URI1: variants seen among roughly 807,000 people sequenced by gnomAD.
URI1 encodes unconventional prefoldin RPB5 interactor 1.
Under a neutral mutation model 60.2 loss-of-function variants are expected in URI1, and 39 were observed. That is an observed-to-expected ratio of 0.65 (90% confidence interval 0.50 to 0.85). The LOEUF (loss-of-function observed/expected upper bound fraction) is 0.85. Ranked by LOEUF, URI1 falls within the 40% of genes least tolerant of loss-of-function variation. URI1 has a pLI of 0.00. For missense variants in URI1, 691 were observed against 665.9 expected (o/e 1.04, Z -0.42); for synonymous variants, 251 against 236.8 (o/e 1.06, Z -0.55).
intron 2 of URI1, among the ~76,000 whole-genome samples, chr19:29,973,548 A>G (rs2055485348): frequency 6.6e-6 from 1 of 152,118 alleles, no homozygotes; most frequent in Admixed American, 6.6e-5. Context: ...TGTTTGTATA[A>G]TTTTTAAGGG....
chr19:29,996,022 G>T (rs2055807998), intron 4 of URI1, among the ~76,000 whole-genome samples: 2 of 152,060 alleles, frequency 1.3e-5, no homozygotes, highest in Non-Finnish European at 2.9e-5. Context: ...TTTATAGTAA[G>T]TTTTGAAAAC....
upstream of URI1, among the ~76,000 whole-genome samples, chr19:29,940,468 G>A (rs2055012259): frequency 6.6e-6 from 1 of 152,120 alleles, no homozygotes. Context: ...GGCCAACATG[G>A]TGAAACCCTG....
rs947561773 is a variant in URI1 at position 30,009,563 on chromosome 19, A to G, written c.1035+210A>G. ...TATTGGTCCATTGTTCTCTGAAACA[A>G]TGCATTGTTTGGGGTCTGGAAGGGG... is the stretch of plus-strand genomic sequence containing the variant. On this transcript the variant is annotated intron_variant, in intron 8 of 10. Transcript: ENST00000392271. Among the ~76,000 whole-genome samples the G allele has an allele frequency of 2.6e-5, 4 of 152,256 alleles. No homozygotes were observed. The South Asian group carries it at 8.3e-4, about 32-fold the overall frequency.
chr19:29,974,747 C>A (rs557462376), intron 2 of URI1, among the ~76,000 whole-genome samples: 1 of 152,174 alleles, frequency 6.6e-6, no homozygotes, highest in Non-Finnish European at 1.5e-5. Flanking sequence ...CCTTTCTCAC[C>A]GCTCTTGTAT....
intron 4 of URI1, among the ~76,000 whole-genome samples, chr19:30,000,767 A>C (rs1049837259): frequency 6.6e-6 from 1 of 151,888 alleles, no homozygotes; most frequent in Non-Finnish European, 1.5e-5. Context: ...GATCCTTTAA[A>C]ATTTGTTTGC....
rs908959088 is a variant in URI1 at position 30,015,911 on chromosome 19, G to C, written c.*842G>C. Reference sequence around the variant, plus strand: ...ACATTTTAAATAAAAATTCCTTACAGTTTCATCTTCCCAACATTTTCATTC... The same window carrying C: ...ACATTTTAAATAAAAATTCCTTACACTTTCATCTTCCCAACATTTTCATTC... On this transcript the variant is annotated 3_prime_UTR_variant, in exon 11 of 11. Coordinates refer to ENST00000392271, the MANE Select transcript of URI1 (RefSeq NM_003796.3). The C allele has an allele frequency of 4.3e-5, 9 of 210,018 alleles. No homozygotes were observed. Among genetic ancestry groups the C allele is most frequent in the Non-Finnish European group, 2.8e-5 (3 of 107,500 alleles). 13.0% of individuals were successfully genotyped at this position (210,018 alleles called of 1,614,324 possible). A position where few individuals can be genotyped will look rare whatever the true frequency, so the allele number is the denominator to read the frequency against.
intron 2 of URI1, among the ~76,000 whole-genome samples, chr19:29,984,490 C>A (rs1170231207): frequency 6.6e-6 from 1 of 152,094 alleles, no homozygotes; most frequent in African/African-American, 2.4e-5. Context: ...ATATCAGGCC[C>A]TCTTTTACTG....
At chr19:29,971,890 G>C (rs1264730368) in intron 2 of URI1, among the ~76,000 whole-genome samples, 1 of 152,026 alleles carries the variant, frequency 6.6e-6, no homozygotes. Flanking sequence ...TATCCATGCT[G>C]TGCTTACGAA....
At chr19:29,975,668 T>C (rs2055512911) in intron 2 of URI1, among the ~76,000 whole-genome samples, 1 of 152,156 alleles carries the variant, frequency 6.6e-6, no homozygotes, top group Admixed American at 6.5e-5. Context: ...CATGCCCAGC[T>C]AATTTTTTTA....
intron 1 of URI1, among the ~76,000 whole-genome samples, chr19:29,967,035 GGTTTATGCCCTC>G (rs2055399497): frequency 6.6e-6 from 1 of 152,154 alleles, no homozygotes; most frequent in Admixed American, 6.5e-5. Flanking sequence ...GAAACTCATA[GGTTTATGCCCTC>G]TTGTGGTCTG....
intron 1 of URI1, among the ~76,000 whole-genome samples, chr19:29,958,332 T>A (rs2145281239): frequency 6.6e-6 from 1 of 152,348 alleles, no homozygotes; most frequent in East Asian, 1.9e-4. Flanking sequence ...TTTTAAGTAT[T>A]TCACCATACA....
Position 29,942,970 on chromosome 19 carries a change from G to A in URI1, c.117+306G>A, listed in dbSNP as rs78911708. On this transcript the variant is annotated intron_variant, in intron 1 of 10. Transcript: ENST00000392271. ...AACGGAAGCGTTCGCCTTAATATTT[G>A]TAGCTTGTAATGACCTAAACATTGC... 3.4e-3 allele frequency among the ~76,000 whole-genome samples: 515 copies of A among 152,342 alleles called. 5 individuals are homozygous for A. Among genetic ancestry groups the A allele is most frequent in the African/African-American group, 0.012 (500 of 41,586 alleles).
rs1382627781 is a variant in URI1 at position 29,993,788 on chromosome 19, A to G, written c.367+7371A>G. Among the ~76,000 whole-genome samples the G allele has an allele frequency of 3.3e-5, 5 of 152,282 alleles. No individual in the cohort carries two copies. The South Asian group carries it at 6.2e-4, about 19-fold the overall frequency. Reference sequence around the variant, plus strand: ...ACATCCAGTTTACCTCCCTGGAGGCATCGCTGTTATCAGTATCTTACTCAT... The same window carrying G: ...ACATCCAGTTTACCTCCCTGGAGGCGTCGCTGTTATCAGTATCTTACTCAT... On this transcript the variant is annotated intron_variant, in intron 4 of 10. Transcript: ENST00000392271.
Position 29,942,395 on chromosome 19 carries a change from G to A in URI1, c.-153G>A. 1.0e-6 allele frequency: 1 copy of A among 983,340 alleles called. No individual in the cohort carries two copies. Among genetic ancestry groups the A allele is most frequent in the South Asian group, 4.5e-5 (1 of 22,118 alleles). 60.9% of individuals were successfully genotyped at this position (983,340 alleles called of 1,614,324 possible). A position where few individuals can be genotyped will look rare whatever the true frequency, so the allele number is the denominator to read the frequency against. On this transcript the variant is annotated 5_prime_UTR_variant, in exon 1 of 11. Coordinates refer to ENST00000392271, the MANE Select transcript of URI1 (RefSeq NM_003796.3). The stretch of plus-strand genomic sequence containing the variant: ...ATGCGGCAGCGGGCGGCGCGGACGC[G>A]AACAGCAGCGGCGGCGGCGGGCGCG...
At chr19:29,942,769 C>T in intron 1 of URI1, 105 bp downstream of exon 1, 1 of 1,193,568 alleles carries the variant, frequency 8.4e-7, no homozygotes, top group Non-Finnish European at 1.1e-6. Flanking sequence ...CCCGGGCCCC[C>T]GGAGGGAACG....
intron 1 of URI1, among the ~76,000 whole-genome samples, chr19:29,955,268 TATC>T (rs2055231138): frequency 6.6e-6 from 1 of 152,102 alleles, no homozygotes; most frequent in Non-Finnish European, 1.5e-5. Context: ...CCGGCCTCCT[TATC>T]ATATTTTGTG....
At chr19:29,956,561 A>C in intron 1 of URI1, 1 of 1,523,806 alleles carries the variant, frequency 6.6e-7, no homozygotes, top group Middle Eastern at 2.3e-4. Context: ...TCAAGGATTA[A>C]TTCATCTTTC....
intron 4 of URI1, among the ~76,000 whole-genome samples, chr19:29,991,555 T>TG (rs2055747162): frequency 6.6e-6 from 1 of 151,370 alleles, no homozygotes; most frequent in South Asian, 2.1e-4. Flanking sequence ...ATAGCTCCTA[T>TG]TTTTTTTTAT....
At chr19:29,983,947 ACTT>A (rs938008734) in intron 2 of URI1, among the ~76,000 whole-genome samples, 4 of 152,188 alleles carry the variant, frequency 2.6e-5, no homozygotes, top group African/African-American at 9.7e-5. Flanking sequence ...TATTATCTCT[ACTT>A]AATTTCTTCT....
Sources: allele counts gnomAD v4.1 joint callset (sites outside exome capture counted in the v4.1 genomes callset), GRCh38; gene constraint gnomAD v4.1.1; transcripts MANE v1.5; gene names NCBI Gene and HGNC (gene_info 2026-07-23, HGNC 2026-07-21).